Variants in SIPA1L1 observed in about 807,000 individuals in gnomAD.
SIPA1L1 encodes the protein signal-induced proliferation-associated 1-like protein 1.
A neutral mutation model predicts 162.7 loss-of-function variants in SIPA1L1; 26 were observed. The observed-to-expected ratio is 0.16, with a 90% CI of 0.12 to 0.22. The LOEUF (loss-of-function observed/expected upper bound fraction) is 0.22, where lower values mean the gene tolerates loss of function less well. Ranked by LOEUF, SIPA1L1 falls within the 10% of genes least tolerant of loss-of-function variation. The pLI is 1.00. For missense variants in SIPA1L1, 1,874 were observed against 2,241.0 expected, an observed-to-expected ratio of 0.84 and a Z score of 3.31; for synonymous variants, 829 against 837.4, an observed-to-expected ratio of 0.99 and a Z score of 0.17.
rs983788939 is a variant in SIPA1L1 at position 71,631,800 on chromosome 14, A to G, written c.1818+7564A>G. Among the ~76,000 whole-genome samples the G allele has an allele frequency of 1.6e-4, 24 of 152,348 alleles. No homozygotes were observed. The East Asian group carries it at 1.9e-3, about 12-fold the overall frequency. Reference sequence around the variant, plus strand: ...TGTTAGTAATTCCCAATGAGGATATACATTTTCTAACTGGCATTTTTTGCT... The same window carrying G: ...TGTTAGTAATTCCCAATGAGGATATGCATTTTCTAACTGGCATTTTTTGCT... On this transcript the variant is annotated intron_variant, in intron 7 of 23. Transcript: ENST00000381232.
chr14:71,668,288 G>T (rs781413332), intron 10 of SIPA1L1, among the ~76,000 whole-genome samples: 1 of 152,158 alleles, frequency 6.6e-6, no homozygotes, highest in Non-Finnish European at 1.5e-5. Context: ...TCCTCAGAGG[G>T]AGTAAGTGTG....
intron 2 of SIPA1L1, among the ~76,000 whole-genome samples, chr14:71,476,649 TTTTATTTATTTATTTA>T (rs200935200): frequency 6.8e-4 from 99 of 146,246 alleles, no homozygotes; most frequent in Non-Finnish European, 1.2e-3. Flanking sequence ...AATTTGTTCG[TTTTATTTATTTATTTA>T]TTTATTTATT....
chr14:71,709,376 T>C lies in SIPA1L1; in HGVS notation c.3920T>C (p.Ile1307Thr), dbSNP rs1446859149. 3.7e-6 allele frequency: 6 copies of C among 1,614,088 alleles called. No homozygotes were observed. Among genetic ancestry groups the C allele is most frequent in the Non-Finnish European group, 5.1e-6 (6 of 1,180,038 alleles). ...CAAGGCACCTCTGCTGACAGTGGCA[T>C]TGACACCACCTCTTATGGCCCCAGC... ...YLQGTSADSGIDTTSYGPSHG... is the reference protein window; with the variant it reads ...YLQGTSADSGTDTTSYGPSHG... Residue 1307 changes from isoleucine (I) to threonine (T), a missense_variant, in exon 17 of 24, where the codon ATT becomes ACT. By Grantham distance (89) the Ile-to-Thr change is moderately conservative (BLOSUM62 -1). Coordinates refer to ENST00000381232, the MANE Select transcript of SIPA1L1 (RefSeq NM_001386936.1).
intron 6 of SIPA1L1, among the ~76,000 whole-genome samples, chr14:71,620,297 G>C (rs370884494): frequency 2.0e-5 from 3 of 152,114 alleles, no homozygotes; most frequent in Admixed American, 1.3e-4. Context: ...TCGAACTCCC[G>C]ACCTCAGGTG....
At chr14:71,360,355 T>G (rs1226002505) in intron 2 of SIPA1L1, among the ~76,000 whole-genome samples, 1 of 152,234 alleles carries the variant, frequency 6.6e-6, no homozygotes, top group Admixed American at 6.5e-5. Flanking sequence ...TAGAAAATAC[T>G]ATAGAAATCA....
chr14:71,367,743 A>G (rs1227362890), intron 2 of SIPA1L1, among the ~76,000 whole-genome samples: 6 of 149,780 alleles, frequency 4.0e-5, no homozygotes, highest in African/African-American at 1.2e-4. Flanking sequence ...AGTAGCTGGG[A>G]TTACAGGCGC....
rs113916667 is a variant in SIPA1L1, at chr14:71,652,161, G to A, written c.1993+1652G>A. ...TCTGAAGCCCCAAAGAAGACAGTAC[G>A]CAAAATCATCTCTTTTACTCCAAGC... On this transcript the variant is annotated intron_variant, in intron 8 of 23. Coordinates refer to ENST00000381232, the MANE Select transcript of SIPA1L1 (RefSeq NM_001386936.1). 7.2e-3 allele frequency among the ~76,000 whole-genome samples: 1,089 copies of A among 152,174 alleles called. 13 individuals carry two copies. The highest frequency in any genetic ancestry group is 0.025 in the African/African-American group (1,033 of 41,506).
intron 5 of SIPA1L1, among the ~76,000 whole-genome samples, chr14:71,617,733 A>G (rs1027136420): frequency 6.6e-6 from 1 of 152,218 alleles, no homozygotes; most frequent in African/African-American, 2.4e-5. Context: ...TTGTGTGATA[A>G]TGAGATATTA....
At chr14:71,371,555 TTTTTGTTTTG>T (rs140220772) in intron 2 of SIPA1L1, among the ~76,000 whole-genome samples, 16,183 of 151,654 alleles carry the variant, frequency 0.11, 1,092 homozygotes, top group Admixed American at 0.15. Flanking sequence ...GCCTGGCTAA[TTTTTGTTTTG>T]TTTTGTTTTG....
chr14:71,343,530 A>C (rs1368191979), intron 2 of SIPA1L1, among the ~76,000 whole-genome samples: 1 of 152,174 alleles, frequency 6.6e-6, no homozygotes, highest in African/African-American at 2.4e-5. Context: ...ACTTCGTGGA[A>C]AATTTGGAAA....
chr14:71,506,703 T>C (rs2050697810), intron 2 of SIPA1L1, among the ~76,000 whole-genome samples: 1 of 152,212 alleles, frequency 6.6e-6, no homozygotes. Context: ...TCATTTTTGC[T>C]TTAATGTTTA....
At chr14:71,426,046 C>A (rs190769394) in intron 2 of SIPA1L1, among the ~76,000 whole-genome samples, 1 of 152,056 alleles carries the variant, frequency 6.6e-6, no homozygotes, top group African/African-American at 2.4e-5. Context: ...ACGAAATAAT[C>A]GTTTTATTAC....
intron 2 of SIPA1L1, among the ~76,000 whole-genome samples, chr14:71,508,381 C>A (rs554825932): frequency 6.6e-6 from 1 of 152,264 alleles, no homozygotes; most frequent in South Asian, 2.1e-4. Context: ...ATATAATAGA[C>A]CATCCATTCA....
In SIPA1L1 at chr14:71,587,889, G is replaced by A. The variant is rs139188415; in HGVS notation, c.17G>A (p.Arg6Gln). The A allele has an allele frequency of 2.3e-5, 37 of 1,607,542 alleles. No individual in the cohort carries two copies. The African/African-American group carries it at 3.9e-4, about 17-fold the overall frequency. ...TTTTACATCATGACCAGCTTGAAAC[G>A]GTCACAGACAGAAAGGCCTCTTGCC... MTSLK[R>Q]SQTERPLATD... The change falls in exon 5 of 24, where the codon CGG (arginine) becomes CAG (glutamine). Residue 6 changes from arginine (R) to glutamine (Q), a missense_variant. Physicochemically the swap from Arg to Gln is conservative, Grantham distance 43 (BLOSUM62 1). This residue lies in a region of SIPA1L1 where 685 missense variants were observed against 828.0 expected (regional missense o/e 0.83). Coordinates refer to ENST00000381232, the MANE Select transcript of SIPA1L1 (RefSeq NM_001386936.1).
rs1281740844 is a variant in SIPA1L1, at chr14:71,377,382, C to T, written c.-465+56201C>T. ...GCACTCCTCAGTTCCCAGACGGGGT[C>T]GCGGCCGGGCAGAGGCACTCCTCAC... On this transcript the variant is annotated intron_variant, in intron 2 of 23. Transcript: ENST00000381232. The surrounding 1 kb of genome is among the most constrained non-coding windows in gnomAD (Gnocchi z 4.8). 1.2e-4 allele frequency among the ~76,000 whole-genome samples: 18 copies of T among 146,552 alleles called. No individual in the cohort carries two copies. The South Asian group carries it at 2.9e-3, about 23-fold the overall frequency.
chr14:71,534,904 T>A (rs974803440), intron 4 of SIPA1L1, among the ~76,000 whole-genome samples: 6 of 152,236 alleles, frequency 3.9e-5, no homozygotes, highest in Non-Finnish European at 8.8e-5. Context: ...ATTTTGATGA[T>A]CACTTGGAAT....
rs1596173890 is a variant in SIPA1L1 at position 71,568,327 on chromosome 14, C to A, written c.-302-19244C>A. Among the ~76,000 whole-genome samples the A allele has an allele frequency of 2.6e-5, 4 of 152,298 alleles. No individual in the cohort carries two copies. The East Asian group carries it at 7.7e-4, about 29-fold the overall frequency. On this transcript the variant is annotated intron_variant, in intron 4 of 23. Coordinates refer to ENST00000381232, the MANE Select transcript of SIPA1L1 (RefSeq NM_001386936.1). ...ATCCATCTTTTGTAACTTCTTCAGGCCGAATAGGTGTGATGATATTCTTGC... is the reference window on the plus strand; with the variant it reads ...ATCCATCTTTTGTAACTTCTTCAGGACGAATAGGTGTGATGATATTCTTGC...
At chr14:71,395,356 T>C (rs2041099755) in intron 2 of SIPA1L1, among the ~76,000 whole-genome samples, 1 of 152,066 alleles carries the variant, frequency 6.6e-6, no homozygotes, top group African/African-American at 2.4e-5. Flanking sequence ...GGCTTTGGGA[T>C]TGATGGTTAA....
chr14:71,333,700 A>G (rs758262383), intron 2 of SIPA1L1, among the ~76,000 whole-genome samples: 2 of 152,228 alleles, frequency 1.3e-5, no homozygotes, highest in Non-Finnish European at 2.9e-5. Context: ...GGATACATCA[A>G]TAAACAACTC....
Sources: allele counts gnomAD v4.1 joint callset (sites outside exome capture counted in the v4.1 genomes callset), GRCh38; gene constraint gnomAD v4.1.1; regional missense constraint gnomAD v4.1.1; non-coding constraint Gnocchi (gnomAD v3.1); transcripts MANE v1.5; gene names NCBI Gene and HGNC (gene_info 2026-07-23, HGNC 2026-07-21).